Variants in METAP1 observed in about 807,000 individuals in gnomAD.
The protein encoded by METAP1 is methionyl aminopeptidase 1.
In METAP1, 28 loss-of-function variants were observed where a neutral mutation model predicts 53.8. The ratio of observed to expected loss-of-function variants is 0.52; its 90% CI spans 0.39 to 0.71. METAP1 has a LOEUF of 0.71. Among genes scored for constraint, METAP1 ranks in the 30% least tolerant of loss-of-function variants. METAP1 has a pLI of 0.00. For missense variants in METAP1, 389 were observed against 479.8 expected (o/e 0.81, Z 1.77); for synonymous variants, 181 against 165.7 (o/e 1.09, Z -0.71).
intron 1 of METAP1, among the ~76,000 whole-genome samples, chr4:99,004,204 C>T (rs1723055737): frequency 6.6e-6 from 1 of 152,096 alleles, no homozygotes; most frequent in Non-Finnish European, 1.5e-5. Flanking sequence ...GAACCCAATC[C>T]TCTTGGGTTT....
intron 8 of METAP1, 69 bp downstream of exon 8, chr4:99,045,379 C>G: frequency 6.4e-7 from 1 of 1,560,366 alleles, no homozygotes; most frequent in Non-Finnish European, 8.7e-7. Flanking sequence ...CTGGGCGCTG[C>G]AGTTCTGTGC....
rs1434675544 is a variant in METAP1, at chr4:99,011,869, G to A, written c.114+16002G>A. 2.0e-5 allele frequency among the ~76,000 whole-genome samples: 3 copies of A among 152,190 alleles called. No individual in the cohort carries two copies. The East Asian group carries it at 5.8e-4, about 29-fold the overall frequency. Reference sequence around the variant, plus strand: ...GCAGGAGAATTGCTTGAACCTAGGAGGCGGAGGTTGCGGTGAGCAGAGATC... The same window carrying A: ...GCAGGAGAATTGCTTGAACCTAGGAAGCGGAGGTTGCGGTGAGCAGAGATC... On this transcript the variant is annotated intron_variant, in intron 1 of 10. Coordinates refer to ENST00000296411, the MANE Select transcript of METAP1 (RefSeq NM_015143.3).
intron 2 of METAP1, among the ~76,000 whole-genome samples, chr4:99,033,584 C>T (rs1332943737): frequency 6.6e-6 from 1 of 152,146 alleles, no homozygotes; most frequent in Non-Finnish European, 1.5e-5. Flanking sequence ...GGATATGATT[C>T]TTAATTTTTC....
intron 1 of METAP1, among the ~76,000 whole-genome samples, chr4:99,024,009 G>T (rs1193101457): frequency 6.6e-6 from 1 of 152,176 alleles, no homozygotes; most frequent in Non-Finnish European, 1.5e-5. Flanking sequence ...TCCAAAGAAA[G>T]AAGTAAAAAC....
chr4:99,022,784 A>G (rs903985397), intron 1 of METAP1: 7 of 1,600,706 alleles, frequency 4.4e-6, no homozygotes, highest in African/African-American at 4.0e-5. Flanking sequence ...ACTCTTGGCT[A>G]TGCGCTTGTC....
intron 2 of METAP1, among the ~76,000 whole-genome samples, chr4:99,029,752 T>C (rs77127969): frequency 0.012 from 1,883 of 152,252 alleles, 40 homozygotes; most frequent in African/African-American, 0.043. Flanking sequence ...TTTTAGGAGT[T>C]AGCTGATTTA....
chr4:99,031,829 A>C (rs779569240), intron 2 of METAP1, among the ~76,000 whole-genome samples: 5 of 152,204 alleles, frequency 3.3e-5, no homozygotes, highest in Non-Finnish European at 4.4e-5. Context: ...GACTGTGATG[A>C]ACTTTGGGCC....
At chr4:99,021,543 C>G (rs950585120) in intron 1 of METAP1, among the ~76,000 whole-genome samples, 2 of 152,092 alleles carry the variant, frequency 1.3e-5, no homozygotes, top group African/African-American at 4.8e-5. Flanking sequence ...GTAAAGAAAT[C>G]AACACCGAGA....
chr4:98,997,692 T>C (rs1722702772), intron 1 of METAP1, among the ~76,000 whole-genome samples: 1 of 152,230 alleles, frequency 6.6e-6, no homozygotes, highest in African/African-American at 2.4e-5. Flanking sequence ...GGAAAAATGC[T>C]AGACAAATTT....
At chr4:99,028,763 T>G in intron 1 of METAP1, 104 bp from the exon 2 acceptor site, 1 of 783,744 alleles carries the variant, frequency 1.3e-6, no homozygotes. Context: ...CAGGTCTTGG[T>G]TTTTGCAAAT....
intron 5 of METAP1, among the ~76,000 whole-genome samples, chr4:99,039,890 C>T (rs895149236): frequency 2.0e-5 from 3 of 151,788 alleles, no homozygotes; most frequent in Admixed American, 6.6e-5. Context: ...CCACACCTGG[C>T]CTTTTTTTGT....
intron 2 of METAP1, chr4:99,031,579 C>A (rs1725033460): frequency 1.6e-6 from 2 of 1,287,516 alleles, no homozygotes; most frequent in Non-Finnish European, 2.0e-6. Context: ...CTAAGTCTCA[C>A]CTCCAAGATG....
At chr4:99,032,127 C>T (rs1230197) in intron 2 of METAP1, among the ~76,000 whole-genome samples, 25,127 of 151,838 alleles carry the variant, frequency 0.17, 3,352 homozygotes, top group East Asian at 0.8. Context: ...TAAATTGTAC[C>T]TAGAGATGAG....
chr4:99,043,616 A>G (rs1284833987), intron 7 of METAP1, among the ~76,000 whole-genome samples: 1 of 152,176 alleles, frequency 6.6e-6, no homozygotes, highest in Non-Finnish European at 1.5e-5. Context: ...TATTTCTTTA[A>G]TGCTTATCTC....
At chr4:99,036,829 C>T (rs1156540057) in intron 4 of METAP1, among the ~76,000 whole-genome samples, 1 of 151,904 alleles carries the variant, frequency 6.6e-6, no homozygotes, top group Non-Finnish European at 1.5e-5. Context: ...GTCCATGTGT[C>T]AAAGTATTTC....
rs745969273 is a variant in METAP1 at position 99,041,047 on chromosome 4, C to T, written c.437C>T (p.Ala146Val). 1 of 1,606,154 alleles carries T rather than the reference C, an allele frequency of 6.2e-7. No individual in the cohort carries two copies. Among genetic ancestry groups the T allele is most frequent in the Non-Finnish European group, 8.5e-7 (1 of 1,174,932 alleles). Reference sequence around the variant, plus strand: ...TTGAGTGTTCCTTTTTTACAGCTTGCTAGAGAAGTTTTGGATGTTGCTGCC... The same window carrying T: ...TTGAGTGTTCCTTTTTTACAGCTTGTTAGAGAAGTTTTGGATGTTGCTGCC... ...IEGMRLVCRLAREVLDVAAGM... is the reference protein window; with the variant it reads ...IEGMRLVCRLVREVLDVAAGM... Residue 146 changes from alanine to valine, a missense_variant, in exon 6 of 11, where the codon GCT becomes GTT. Coordinates refer to ENST00000296411, the MANE Select transcript of METAP1 (RefSeq NM_015143.3).
At chr4:99,008,852 G>A (rs1052470128) in intron 1 of METAP1, among the ~76,000 whole-genome samples, 7 of 152,046 alleles carry the variant, frequency 4.6e-5, no homozygotes, top group Non-Finnish European at 2.9e-5. Flanking sequence ...ATACAGTTTT[G>A]TAATTTACCA....
intron 4 of METAP1, among the ~76,000 whole-genome samples, chr4:99,037,293 T>A (rs187962970): frequency 6.6e-6 from 1 of 152,086 alleles, no homozygotes; most frequent in Admixed American, 6.5e-5. Context: ...TTATTACAGA[T>A]TTTGAGTATC....
At chr4:99,009,304 A>G (rs1249835842) in intron 1 of METAP1, among the ~76,000 whole-genome samples, 1 of 152,170 alleles carries the variant, frequency 6.6e-6, no homozygotes. Flanking sequence ...CCTCTTGGTT[A>G]TTGTAAATAG....
Sources: allele counts gnomAD v4.1 joint callset (sites outside exome capture counted in the v4.1 genomes callset), GRCh38; gene constraint gnomAD v4.1.1; transcripts MANE v1.5; gene names NCBI Gene and HGNC (gene_info 2026-07-23, HGNC 2026-07-21).